GPHB5: variants seen among roughly 807,000 people sequenced by gnomAD.
The protein encoded by GPHB5 is glycoprotein hormone beta-5.
GPHB5 carries 7 observed loss-of-function variants against 10.1 expected under a neutral mutation model. The ratio of observed to expected loss-of-function variants is 0.69; its 90% CI spans 0.39 to 1.30. The LOEUF (loss-of-function observed/expected upper bound fraction) is 1.30. Ranked by LOEUF, GPHB5 falls within the 50% of genes most tolerant of loss-of-function variation. The pLI is 0.01. For missense variants in GPHB5, 161 were observed against 169.8 expected (o/e 0.95, Z 0.29); for synonymous variants, 68 against 70.1 (o/e 0.97, Z 0.15).
chr14:63,317,770 C>A lies in GPHB5; in HGVS notation c.80G>T (p.Ser27Ile). The change falls in exon 2 of 3, where the codon AGT becomes ATT. Residue 27 changes from serine (S) to isoleucine (I), a missense_variant. Transcript: ENST00000621500. The part of the protein sequence containing the change: ...AGYGCVLGAS[S>I]GNLRTFVGCA... ...GCCCACAAAGGTGCGCAGGTTCCCACTGGAGGCACCGAGGACACAGCCATA... is the reference window on the plus strand; with the variant it reads ...GCCCACAAAGGTGCGCAGGTTCCCAATGGAGGCACCGAGGACACAGCCATA... The A allele has an allele frequency of 1.9e-6, 3 of 1,614,066 alleles. No homozygotes were observed. Among genetic ancestry groups the A allele is most frequent in the Non-Finnish European group, 2.5e-6 (3 of 1,179,906 alleles).
At chr14:63,313,153 A>G (rs571706279) in intron 2 of GPHB5, 37 bp from the exon 3 acceptor site, 1 of 1,466,942 alleles carries the variant, frequency 6.8e-7, no homozygotes, top group South Asian at 1.3e-5. Context: ...ATTCATTAGA[A>G]CATATGATCT....
chr14:63,318,752 G>A (rs143107352), intron 1 of GPHB5, 72 bp downstream of exon 1: 2 of 152,260 alleles, frequency 1.3e-5, no homozygotes, highest in African/African-American at 4.8e-5. Context: ...TCCTACTTCT[G>A]ACCTTACTGT....
chr14:63,315,410 A>G (rs887055421), intron 2 of GPHB5, among the ~76,000 whole-genome samples: 3 of 152,208 alleles, frequency 2.0e-5, no homozygotes, highest in African/African-American at 7.2e-5. Flanking sequence ...AGACAGACAG[A>G]CTTACGCTAA....
intron 2 of GPHB5, among the ~76,000 whole-genome samples, chr14:63,316,248 G>A (rs766430057): frequency 9.2e-5 from 14 of 152,216 alleles, no homozygotes; most frequent in Admixed American, 5.9e-4. Context: ...TCACAGGGCC[G>A]TAATTGTACC....
chr14:63,318,918 A>T lies in GPHB5; in HGVS notation c.-96T>A, dbSNP rs1882818445. On this transcript the variant is annotated 5_prime_UTR_variant, in exon 1 of 3. Coordinates refer to ENST00000621500, the MANE Select transcript of GPHB5 (RefSeq NM_145171.4). ...AATGGTAGAAGTTTGCCCTGGGTAA[A>T]TGTCTCTACCTTCTGTTACTGGGCT... 1 of 152,346 alleles carries T rather than the reference A, an allele frequency of 6.6e-6. No individual in the cohort carries two copies. Among genetic ancestry groups the T allele is most frequent in the Non-Finnish European group, 1.5e-5 (1 of 68,042 alleles). The allele number at this position is 152,346 out of a possible 1,614,324, so 9.4% of individuals were successfully genotyped here. A position where few individuals can be genotyped will look rare whatever the true frequency, so the allele number is the denominator to read the frequency against.
At chr14:63,316,181 C>T (rs1026132888) in intron 2 of GPHB5, among the ~76,000 whole-genome samples, 8 of 152,236 alleles carry the variant, frequency 5.3e-5, no homozygotes, top group African/African-American at 1.9e-4. Context: ...AAGAAAACTA[C>T]TTTGATAGAG....
chr14:63,314,153 C>A (rs1467488220), intron 2 of GPHB5, among the ~76,000 whole-genome samples: 1 of 152,126 alleles, frequency 6.6e-6, no homozygotes, highest in Non-Finnish European at 1.5e-5. Context: ...AGTTCAAAGA[C>A]AATTTTGATA....
intron 2 of GPHB5, among the ~76,000 whole-genome samples, chr14:63,314,839 G>A (rs1161913113): frequency 7.2e-6 from 1 of 138,336 alleles, no homozygotes; most frequent in African/African-American, 2.9e-5. Context: ...ATATACATAT[G>A]TAACTCAAGA....
intron 2 of GPHB5, among the ~76,000 whole-genome samples, chr14:63,315,132 G>T (rs945712543): frequency 2.0e-5 from 3 of 151,848 alleles, no homozygotes; most frequent in East Asian, 3.9e-4. Context: ...GGCCAGGCTG[G>T]TCTCGAACTC....
chr14:63,314,634 G>C (rs141952253), intron 2 of GPHB5, among the ~76,000 whole-genome samples: 212 of 152,076 alleles, frequency 1.4e-3, no homozygotes, highest in African/African-American at 5.0e-3. Context: ...GGATGGTCTC[G>C]ATTTCCTGAC....
chr14:63,314,254 G>C (rs1019045903), intron 2 of GPHB5, among the ~76,000 whole-genome samples: 3 of 152,050 alleles, frequency 2.0e-5, no homozygotes, highest in Admixed American at 1.3e-4. Flanking sequence ...TTGAGTCCCT[G>C]TTCTGCCACT....
chr14:63,318,689 G>A (rs1466892745), intron 1 of GPHB5, 135 bp downstream of exon 1: 1 of 152,144 alleles, frequency 6.6e-6, no homozygotes, highest in Non-Finnish European at 1.5e-5. Flanking sequence ...GAAGTATAAA[G>A]GATATGGCAT....
intron 2 of GPHB5, among the ~76,000 whole-genome samples, chr14:63,313,948 A>C (rs1017255596): frequency 6.6e-6 from 1 of 152,136 alleles, no homozygotes; most frequent in South Asian, 2.1e-4. Context: ...CCACTCTAGA[A>C]AGTAAGCTCT....
At position 63,317,663 on chromosome 14, in the gene GPHB5, G is replaced by A. The variant is rs34096978; in HGVS notation, c.187C>T (p.Arg63Cys). The change falls in exon 2 of 3, where the codon CGC (arginine) becomes TGC (cysteine). Residue 63 changes from arginine (R) to cysteine (C), a missense_variant. Arg to Cys is a radical substitution (Grantham distance 180, BLOSUM62 -3). Coordinates refer to ENST00000621500, the MANE Select transcript of GPHB5 (RefSeq NM_145171.4). ...LRITTDACWG[R>C]CETWEKPILE... ...CAACTCACCTCCCAGGTCTCACAGC[G>A]ACCCCAGCAGGCATCCGTGGTGATC... The A allele has an allele frequency of 0.034, 55,543 of 1,613,854 alleles. 1,186 individuals carry two copies. The highest frequency in any genetic ancestry group is 0.042 in the Non-Finnish European group (49,270 of 1,179,806).
rs937792643 is a variant in GPHB5 at position 63,312,853 on chromosome 14, A to C, written c.*75T>G. ...TCCTCCATGGGTGTGGTCGAAATTA[A>C]ACAGTCTTGCATCCAGGAAGTATAA... On this transcript the variant is annotated 3_prime_UTR_variant, in exon 3 of 3. Transcript: ENST00000621500. 1.5e-6 allele frequency: 2 copies of C among 1,369,436 alleles called. No individual in the cohort carries two copies. Among genetic ancestry groups the C allele is most frequent in the African/African-American group, 2.9e-5 (2 of 68,932 alleles). 84.8% of individuals were successfully genotyped at this position (1,369,436 alleles called of 1,614,324 possible).
chr14:63,317,717 C>G lies in GPHB5; in HGVS notation c.133G>C (p.Ala45Pro). 6.2e-7 allele frequency: 1 copy of G among 1,614,020 alleles called. No homozygotes were observed. Among genetic ancestry groups the G allele is most frequent in the Non-Finnish European group, 8.5e-7 (1 of 1,179,882 alleles). The stretch of plus-strand genomic sequence containing the variant: ...AGGCCCCTGCAGCCTGGCTTCTTGG[C>G]CAGGAAAGTAAACTCCCTCACGGCA... The part of the protein sequence containing the change: ...GCAVREFTFL[A>P]KKPGCRGLRI... Residue 45 changes from alanine (A) to proline (P), a missense_variant, in exon 2 of 3, where the codon GCC (alanine) becomes CCC (proline). Transcript: ENST00000621500.
chr14:63,314,386 C>T (rs1428261814), intron 2 of GPHB5, among the ~76,000 whole-genome samples: 1 of 151,754 alleles, frequency 6.6e-6, no homozygotes, highest in Non-Finnish European at 1.5e-5. Context: ...ACGCAATGCA[C>T]AATGTCTAGA....
chr14:63,317,003 T>C (rs1481918448), intron 2 of GPHB5, among the ~76,000 whole-genome samples: 1 of 152,218 alleles, frequency 6.6e-6, no homozygotes, highest in East Asian at 1.9e-4. Context: ...ATTTTAACTT[T>C]GTTTGAGAGT....
Position 63,313,044 on chromosome 14 carries a change from T to C in GPHB5, c.277A>G (p.Thr93Ala). 1 of 1,605,630 alleles carries C rather than the reference T, an allele frequency of 6.2e-7. No individual in the cohort carries two copies. Among genetic ancestry groups the C allele is most frequent in the Non-Finnish European group, 8.5e-7 (1 of 1,176,072 alleles). The change falls in exon 3 of 3, where the codon ACT becomes GCT. Residue 93 changes from threonine to alanine, a missense_variant. Coordinates refer to ENST00000621500, the MANE Select transcript of GPHB5 (RefSeq NM_145171.4). ...VCTYNETKQV[T>A]VKLPNCAPGV... ...GGGGCACAGTTGGGCAGCTTGACAG[T>C]CACCTGTTTGGTCTCGTTGTAGGTA...
Sources: allele counts gnomAD v4.1 joint callset (sites outside exome capture counted in the v4.1 genomes callset), GRCh38; gene constraint gnomAD v4.1.1; transcripts MANE v1.5; gene names NCBI Gene and HGNC (gene_info 2026-07-23, HGNC 2026-07-21).